The following ATRNL1 variants were observed in gnomAD, a reference collection of about 807,000 sequenced individuals.
ATRNL1 encodes attractin-like protein 1.
In ATRNL1, 95 loss-of-function variants were observed where a neutral mutation model predicts 182.7. The ratio of observed to expected loss-of-function variants is 0.52; its 90% CI spans 0.44 to 0.62. The LOEUF (loss-of-function observed/expected upper bound fraction) is 0.62. Ranked by LOEUF, ATRNL1 falls within the 20% of genes least tolerant of loss-of-function variation. The pLI is 0.00. For missense variants in ATRNL1, 1,471 were observed against 1,679.5 expected (o/e 0.88, Z 2.17); for synonymous variants, 576 against 568.3 (o/e 1.01, Z -0.19).
chr10:115,249,722 T>C (rs1554904982), intron 10 of ATRNL1, among the ~76,000 whole-genome samples: 3 of 152,208 alleles, frequency 2.0e-5, no homozygotes, highest in African/African-American at 7.2e-5. Context: ...CTTCATTCTT[T>C]TCATCGTGGC....
At position 115,268,418 on chromosome 10, in the gene ATRNL1, A is replaced by T; in HGVS notation, c.2074A>T (p.Ile692Phe). ...CCAATGGTGTGATGACAAGAAATGC[A>T]TTTCGGCAAATAGTAACTGCAGTAT... The part of the protein sequence containing the change: ...GCQWCDDKKC[I>F]SANSNCSMSV... The change falls in exon 13 of 29, where the codon ATT becomes TTT. Residue 692 changes from isoleucine (I) to phenylalanine (F), a missense_variant. This residue lies in a region of ATRNL1 where 1,031 missense variants were observed against 1,156.0 expected (regional missense o/e 0.89). Transcript: ENST00000355044. The T allele has an allele frequency of 6.2e-7, 1 of 1,612,504 alleles. No individual in the cohort carries two copies. Among genetic ancestry groups the T allele is most frequent in the Non-Finnish European group, 8.5e-7 (1 of 1,178,654 alleles).
At chr10:115,719,694 T>C (rs1434758473) in intron 26 of ATRNL1, among the ~76,000 whole-genome samples, 2 of 152,062 alleles carry the variant, frequency 1.3e-5, no homozygotes, top group Non-Finnish European at 2.9e-5. Context: ...TACTGCAAAT[T>C]AGCATGATCA....
intron 28 of ATRNL1, among the ~76,000 whole-genome samples, chr10:115,929,296 G>A (rs1953326834): frequency 1.3e-5 from 2 of 151,992 alleles, no homozygotes; most frequent in African/African-American, 2.4e-5. Flanking sequence ...AATTTGCAAG[G>A]TTCATCAAAT....
At chr10:115,664,082 T>A (rs1860861395) in intron 26 of ATRNL1, among the ~76,000 whole-genome samples, 1 of 152,136 alleles carries the variant, frequency 6.6e-6, no homozygotes, top group Non-Finnish European at 1.5e-5. Context: ...GCATCCTTCC[T>A]TGATTCCTGT....
intron 27 of ATRNL1, among the ~76,000 whole-genome samples, chr10:115,843,517 T>A (rs573157822): frequency 2.6e-5 from 4 of 152,178 alleles, no homozygotes; most frequent in African/African-American, 9.6e-5. Context: ...ACGCATAAGA[T>A]CAGGAACGTT....
intron 27 of ATRNL1, among the ~76,000 whole-genome samples, chr10:115,828,849 C>A (rs1555092753): frequency 1.3e-5 from 2 of 152,076 alleles, no homozygotes; most frequent in Non-Finnish European, 2.9e-5. Flanking sequence ...CTAAGAGTCT[C>A]CTAATAAATT....
chr10:115,376,676 TTATTA>T (rs1271175940), intron 19 of ATRNL1, among the ~76,000 whole-genome samples: 1 of 152,188 alleles, frequency 6.6e-6, no homozygotes, highest in Non-Finnish European at 1.5e-5. Flanking sequence ...TTTGACAATT[TTATTA>T]TATTTTGTCA....
chr10:115,661,891 A>G (rs1380506023), intron 26 of ATRNL1, among the ~76,000 whole-genome samples: 1 of 151,440 alleles, frequency 6.6e-6, no homozygotes, highest in Non-Finnish European at 1.5e-5. Flanking sequence ...ATTTAACACG[A>G]GGTATATCTC....
chr10:115,278,759 C>G (rs1343590865), intron 13 of ATRNL1, among the ~76,000 whole-genome samples: 1 of 152,162 alleles, frequency 6.6e-6, no homozygotes, highest in African/African-American at 2.4e-5. Flanking sequence ...CTGTCACTAT[C>G]ATAATGGACT....
intron 26 of ATRNL1, among the ~76,000 whole-genome samples, chr10:115,721,578 C>G (rs977645033): frequency 2.0e-5 from 3 of 151,984 alleles, no homozygotes; most frequent in Non-Finnish European, 4.4e-5. Flanking sequence ...AAGCAGAAAC[C>G]CCTGGTAAAC....
intron 18 of ATRNL1, among the ~76,000 whole-genome samples, chr10:115,316,022 T>A (rs1226139020): frequency 6.6e-6 from 1 of 152,206 alleles, no homozygotes; most frequent in East Asian, 1.9e-4. Flanking sequence ...TTGGGATACA[T>A]GTGCAGAACG....
intron 5 of ATRNL1, among the ~76,000 whole-genome samples, chr10:115,147,994 A>T (rs1846046370): frequency 6.6e-6 from 1 of 152,070 alleles, no homozygotes; most frequent in African/African-American, 2.4e-5. Context: ...TAATTTTGTG[A>T]AAAATGACTA....
chr10:115,885,542 A>T (rs1951923756), intron 28 of ATRNL1, among the ~76,000 whole-genome samples: 1 of 152,264 alleles, frequency 6.6e-6, no homozygotes, highest in Admixed American at 6.5e-5. Flanking sequence ...TTTTCATCTG[A>T]TCACAATGCT....
At chr10:115,727,019 G>A (rs1042021001) in intron 26 of ATRNL1, among the ~76,000 whole-genome samples, 2 of 152,092 alleles carry the variant, frequency 1.3e-5, no homozygotes, top group African/African-American at 4.8e-5. Flanking sequence ...CAGGATGGAG[G>A]TCAGGGGAAA....
intron 26 of ATRNL1, among the ~76,000 whole-genome samples, chr10:115,662,856 C>A (rs1299457972): frequency 1.3e-5 from 2 of 151,966 alleles, no homozygotes; most frequent in African/African-American, 4.8e-5. Context: ...TGATCTTATA[C>A]AAACTTTAAA....
intron 19 of ATRNL1, among the ~76,000 whole-genome samples, chr10:115,367,672 G>T (rs1409726365): frequency 7.7e-6 from 1 of 129,772 alleles, no homozygotes; most frequent in Non-Finnish European, 1.8e-5. Context: ...GGTCGTCGAT[G>T]ATGGTGATGT....
intron 20 of ATRNL1, among the ~76,000 whole-genome samples, chr10:115,405,033 A>T (rs1271306726): frequency 3.9e-5 from 6 of 152,218 alleles, no homozygotes; most frequent in African/African-American, 1.4e-4. Flanking sequence ...AGAACAGAGT[A>T]TCAAGTTAAG....
intron 5 of ATRNL1, among the ~76,000 whole-genome samples, chr10:115,158,571 T>G (rs1846631272): frequency 1.3e-5 from 2 of 152,004 alleles, no homozygotes; most frequent in Admixed American, 6.6e-5. Context: ...TCTGAGATAC[T>G]TCCTAGTTTG....
At chr10:115,629,783 T>C (rs1353502183) in intron 26 of ATRNL1, among the ~76,000 whole-genome samples, 1 of 152,086 alleles carries the variant, frequency 6.6e-6, no homozygotes, top group Non-Finnish European at 1.5e-5. Context: ...TGGAATTCTG[T>C]TTCCTGAAGA....
Sources: gnomAD v4.1 joint callset for allele counts (sites outside exome capture counted in the v4.1 genomes callset) on GRCh38, gnomAD v4.1.1 for gene constraint, gnomAD v4.1.1 regional missense constraint, MANE v1.5 for transcripts, NCBI Gene and HGNC (gene_info 2026-07-23, HGNC 2026-07-21) for gene names.